ZNF704: variants seen among roughly 807,000 people sequenced by gnomAD.
The protein encoded by ZNF704 is glucocorticoid induced gene 1.
Under a neutral mutation model 44.7 loss-of-function variants are expected in ZNF704, and 10 were observed. The observed-to-expected ratio is 0.22, with a 90% CI of 0.14 to 0.38. The LOEUF is 0.38. Among genes scored for constraint, ZNF704 ranks in the 10% least tolerant of loss-of-function variants. ZNF704 has a pLI of 1.00. For synonymous variants in ZNF704, 211 were observed against 207.6 expected (o/e 1.02, Z -0.14); for missense variants, 390 against 545.5 (o/e 0.71, Z 2.84).
intron 4 of ZNF704, among the ~76,000 whole-genome samples, chr8:80,675,473 G>GTT (rs111402539): frequency 3.5e-4 from 51 of 147,616 alleles, no homozygotes; most frequent in African/African-American, 1.1e-3. Context: ...GTTTTGTTTT[G>GTT]TTTTTTTTTT....
intron 1 of ZNF704, among the ~76,000 whole-genome samples, chr8:80,868,122 A>G (rs1226291864): frequency 1.3e-5 from 2 of 152,074 alleles, no homozygotes; most frequent in Non-Finnish European, 2.9e-5. Context: ...TATGTTTGAC[A>G]GTGCCTTTGT....
At chr8:80,821,660 C>T in intron 1 of ZNF704, 45 bp from the exon 2 acceptor site, 1 of 1,437,836 alleles carries the variant, frequency 7.0e-7, no homozygotes, top group Non-Finnish European at 9.8e-7. Context: ...AAAACATCAC[C>T]TTTGTACGAC....
At position 80,643,136 on chromosome 8, in the gene ZNF704, A is replaced by G. The variant is rs775582143; in HGVS notation, c.1033-7T>C. 6 of 1,593,418 alleles carry G rather than the reference A, an allele frequency of 3.8e-6. No individual in the cohort carries two copies. In the South Asian group the frequency reaches 5.7e-5, roughly 15 times the overall value. ...GATGATGTGTGGGTGACACCTGGTG[A>G]ATACATGGAAAAGAAAGTTGATGGG... On this transcript the variant is annotated splice_polypyrimidine_tract_variant and splice_region_variant and intron_variant, in intron 7 of 8. Transcript: ENST00000327835.
At chr8:80,725,604 G>C (rs755107718) in intron 2 of ZNF704, among the ~76,000 whole-genome samples, 10 of 152,164 alleles carry the variant, frequency 6.6e-5, no homozygotes, top group Admixed American at 2.0e-4. Flanking sequence ...GGCCCCAGCA[G>C]AGAGGCTTCT....
chr8:80,848,273 G>A (rs547035007), intron 1 of ZNF704, among the ~76,000 whole-genome samples: 2 of 152,286 alleles, frequency 1.3e-5, no homozygotes, highest in Non-Finnish European at 2.9e-5. Flanking sequence ...CTATATAAGG[G>A]CAACATGAGG....
intron 2 of ZNF704, among the ~76,000 whole-genome samples, chr8:80,748,166 T>C (rs1806879399): frequency 1.3e-5 from 2 of 152,166 alleles, no homozygotes; most frequent in African/African-American, 4.8e-5. Context: ...TCCTGGATTG[T>C]CAGAAGAAAA....
intron 2 of ZNF704, among the ~76,000 whole-genome samples, chr8:80,695,228 T>C (rs559395439): frequency 1.3e-5 from 2 of 152,332 alleles, no homozygotes; most frequent in South Asian, 4.1e-4. Context: ...AGTTGGGGCT[T>C]GCTGCATATC....
At chr8:80,803,485 T>C (rs758542041) in intron 2 of ZNF704, among the ~76,000 whole-genome samples, 48 of 152,056 alleles carry the variant, frequency 3.2e-4, no homozygotes, top group Admixed American at 9.2e-4. Flanking sequence ...CAAGAACAGA[T>C]ACATAGACCA....
intron 2 of ZNF704, among the ~76,000 whole-genome samples, chr8:80,819,534 TG>T (rs1366889819): frequency 7.3e-5 from 11 of 151,236 alleles, no homozygotes; most frequent in Non-Finnish European, 1.0e-4. Flanking sequence ...GTCTAACTTT[TG>T]CCCTACAGAC....
chr8:80,783,806 T>C (rs763182674), intron 2 of ZNF704, among the ~76,000 whole-genome samples: 1 of 152,120 alleles, frequency 6.6e-6, no homozygotes, highest in Non-Finnish European at 1.5e-5. Flanking sequence ...TAAGGGTTAA[T>C]GACAGGCAGA....
At chr8:80,696,345 G>T (rs1485322821) in intron 2 of ZNF704, among the ~76,000 whole-genome samples, 1 of 152,112 alleles carries the variant, frequency 6.6e-6, no homozygotes, top group South Asian at 2.1e-4. Context: ...CTTAAATTTG[G>T]AATTATTTAA....
chr8:80,823,774 T>G (rs1026109424), intron 1 of ZNF704, among the ~76,000 whole-genome samples: 1 of 152,208 alleles, frequency 6.6e-6, no homozygotes, highest in Non-Finnish European at 1.5e-5. Context: ...ATATTTGCTG[T>G]TCTGCAGCCT....
chr8:80,874,306 C>T lies in ZNF704; in HGVS notation c.-22+265G>A, dbSNP rs1179943340. On this transcript the variant is annotated intron_variant, in intron 1 of 8. Transcript: ENST00000327835. This position sits in a 1 kb window ranked among gnomAD's most constrained non-coding sequence, Gnocchi z 4.4. ...GCGGGCGGGGGTGGGTGTGAGCGAG[C>T]GGCGCGCTGCCGCCTCCGCCGCCGC... 1.4e-5 allele frequency among the ~76,000 whole-genome samples: 2 copies of T among 144,628 alleles called. No homozygotes were observed. Among genetic ancestry groups the T allele is most frequent in the Non-Finnish European group, 3.1e-5 (2 of 65,256 alleles). The allele number at this position is 144,628 out of a possible 152,430, so 94.9% of individuals were successfully genotyped here.
chr8:80,645,586 CTT>C (rs1817817927), intron 7 of ZNF704, among the ~76,000 whole-genome samples: 1 of 152,000 alleles, frequency 6.6e-6, no homozygotes, highest in Admixed American at 6.6e-5. Context: ...ACCTCTCACT[CTT>C]GAGTTTACAT....
At chr8:80,713,217 A>G (rs1264983758) in intron 2 of ZNF704, among the ~76,000 whole-genome samples, 2 of 152,184 alleles carry the variant, frequency 1.3e-5, no homozygotes. Flanking sequence ...CCTTGTTCAC[A>G]ATCAGTTGAC....
chr8:80,879,051 T>G (rs1033769995), upstream of ZNF704, among the ~76,000 whole-genome samples: 9 of 152,120 alleles, frequency 5.9e-5, no homozygotes, highest in African/African-American at 2.2e-4. Context: ...ACTAGTTAAG[T>G]CCCCTGATCT....
chr8:80,740,504 A>G (rs550505728), intron 2 of ZNF704, among the ~76,000 whole-genome samples: 1 of 152,312 alleles, frequency 6.6e-6, no homozygotes, highest in East Asian at 1.9e-4. Flanking sequence ...AAACCATGCA[A>G]TAGCTCCTGC....
intron 2 of ZNF704, among the ~76,000 whole-genome samples, chr8:80,820,501 A>G (rs761530863): frequency 1.3e-5 from 2 of 152,246 alleles, no homozygotes; most frequent in African/African-American, 4.8e-5. Flanking sequence ...TTATCAAGAT[A>G]TAAACCAGGC....
rs139188567 is a variant in ZNF704 at position 80,821,560 on chromosome 8, C to T, written c.35G>A (p.Arg12His). The change falls in exon 2 of 9, where the codon CGT becomes CAT. Residue 12 changes from arginine (R) to histidine (H), a missense_variant. Arg to His is a conservative substitution (Grantham distance 29, BLOSUM62 0). This residue lies in a region of ZNF704 where 80 missense variants were observed against 83.7 expected (regional missense o/e 0.96). Coordinates refer to ENST00000327835, the MANE Select transcript of ZNF704 (RefSeq NM_001033723.3). Reference sequence around the variant, plus strand: ...ATGAGACATTTTTTTACCACAGTCACGTTTTAAGTCCTCTGACTGAAATGT... The same window carrying T: ...ATGAGACATTTTTTTACCACAGTCATGTTTTAAGTCCTCTGACTGAAATGT... Reference protein sequence around the residue: ...TFTFQSEDLKRDCGKKMSHQH... With the variant: ...TFTFQSEDLKHDCGKKMSHQH... The T allele has an allele frequency of 1.9e-6, 3 of 1,613,894 alleles. No individual in the cohort carries two copies. The highest frequency in any genetic ancestry group is 2.2e-5 in the East Asian group (1 of 44,880).
Sources: allele counts gnomAD v4.1 joint callset (sites outside exome capture counted in the v4.1 genomes callset), GRCh38; gene constraint gnomAD v4.1.1; regional missense constraint gnomAD v4.1.1; non-coding constraint Gnocchi (gnomAD v3.1); transcripts MANE v1.5; gene names NCBI Gene and HGNC (gene_info 2026-07-23, HGNC 2026-07-21).